Variants in XPO4 observed in about 807,000 individuals in gnomAD.
The protein encoded by XPO4 is exportin 4.
In XPO4, 39 loss-of-function variants were observed where a neutral mutation model predicts 143.0. That is an observed-to-expected ratio of 0.27 (90% CI 0.21 to 0.36). The LOEUF (loss-of-function observed/expected upper bound fraction) is 0.36. Among genes scored for constraint, XPO4 ranks in the 10% least tolerant of loss-of-function variants. XPO4 has a pLI of 1.00. For missense variants in XPO4, 907 were observed against 1,348.0 expected (o/e 0.67, Z 5.12); for synonymous variants, 439 against 474.0 (o/e 0.93, Z 0.96).
chr13:20,844,094 T>C (rs1345343583), intron 4 of XPO4, among the ~76,000 whole-genome samples: 2 of 152,248 alleles, frequency 1.3e-5, no homozygotes, highest in African/African-American at 2.4e-5. Flanking sequence ...GTGTTAATAG[T>C]ACTTCCTCAA....
intron 19 of XPO4, among the ~76,000 whole-genome samples, chr13:20,789,576 G>A (rs1354806568): frequency 1.3e-5 from 2 of 150,582 alleles, no homozygotes; most frequent in Admixed American, 6.6e-5. Flanking sequence ...TTGTGTGTGT[G>A]TGTGTGTATT....
intron 17 of XPO4, 122 bp from the exon 18 acceptor site, chr13:20,796,378 CTACATTAAAACAATAA>C: frequency 2.7e-6 from 2 of 735,434 alleles, no homozygotes; most frequent in Non-Finnish European, 3.9e-6. Context: ...TTGCTTTAAA[CTACATTAAAACAATAA>C]TTTCTAGAAA....
At chr13:20,811,573 C>G (rs1041334013) in intron 9 of XPO4, among the ~76,000 whole-genome samples, 1 of 152,078 alleles carries the variant, frequency 6.6e-6, no homozygotes, top group South Asian at 2.1e-4. Context: ...CAGGTGTAAC[C>G]CACTGCACCT....
intron 3 of XPO4, among the ~76,000 whole-genome samples, chr13:20,858,555 T>TA (rs374985932): frequency 2.0e-5 from 3 of 151,572 alleles, no homozygotes; most frequent in East Asian, 1.9e-4. Flanking sequence ...CTCTCTCTCT[T>TA]AAAAAAAATG....
chr13:20,793,420 C>T (rs1306148255), intron 18 of XPO4, among the ~76,000 whole-genome samples: 1 of 152,170 alleles, frequency 6.6e-6, no homozygotes, highest in Admixed American at 6.5e-5. Flanking sequence ...AAAATCTCTC[C>T]TTCAAATGCT....
chr13:20,851,089 T>C (rs2060080270), intron 4 of XPO4: 1 of 985,366 alleles, frequency 1.0e-6, no homozygotes. Context: ...TTGTTCACTG[T>C]CATTTATATC....
intron 6 of XPO4, among the ~76,000 whole-genome samples, chr13:20,832,733 A>T (rs1365163346): frequency 6.6e-6 from 1 of 152,222 alleles, no homozygotes; most frequent in Non-Finnish European, 1.5e-5. Flanking sequence ...CCAGTCTTAT[A>T]GACAACACAG....
At chr13:20,819,674 C>T (rs1439526422) in intron 9 of XPO4, among the ~76,000 whole-genome samples, 1 of 151,948 alleles carries the variant, frequency 6.6e-6, no homozygotes, top group Admixed American at 6.6e-5. Context: ...AAAAAAAGAT[C>T]ATGTCTTTAT....
rs548525062 is a variant in XPO4, at chr13:20,902,499, G to A, written c.69+171C>T. ...TCCTGGAAGGAGGGGACGACGGCAG[G>A]AGGAAAGTAGGCTGAAGAATCCTGC... On this transcript the variant is annotated intron_variant, in intron 1 of 22. Coordinates refer to ENST00000255305, the MANE Select transcript of XPO4 (RefSeq NM_022459.5). 20 of 985,430 alleles carry A rather than the reference G, an allele frequency of 2.0e-5. No homozygotes were observed. The African/African-American group carries it at 3.0e-4, about 15-fold the overall frequency. The allele number at this position is 985,430 out of a possible 1,614,324, so 61.0% of individuals were successfully genotyped here.
chr13:20,788,320 G>C (rs980675858), intron 20 of XPO4, among the ~76,000 whole-genome samples, 166 bp downstream of exon 20: 6 of 152,182 alleles, frequency 3.9e-5, no homozygotes, highest in Non-Finnish European at 7.3e-5. Flanking sequence ...GCCTCCCAAA[G>C]TGCTGGAATT....
intron 1 of XPO4, among the ~76,000 whole-genome samples, chr13:20,894,497 T>A (rs1387647886): frequency 6.6e-6 from 1 of 152,138 alleles, no homozygotes; most frequent in Non-Finnish European, 1.5e-5. Flanking sequence ...TGAACATTCT[T>A]CAACATAAAA....
chr13:20,836,338 A>G (rs2059916545), intron 6 of XPO4, among the ~76,000 whole-genome samples: 1 of 152,218 alleles, frequency 6.6e-6, no homozygotes, highest in Non-Finnish European at 1.5e-5. Flanking sequence ...TCGGTAACAG[A>G]CGATGTTGAC....
chr13:20,855,461 G>GA (rs66665772), intron 4 of XPO4, among the ~76,000 whole-genome samples, 166 bp downstream of exon 4: 38,962 of 122,380 alleles, frequency 0.32, 6,786 homozygotes, highest in East Asian at 0.8. Context: ...TGTCACAAGG[G>GA]AAAAAAAAAA....
intron 16 of XPO4, among the ~76,000 whole-genome samples, chr13:20,798,337 G>A (rs1714421435): frequency 6.6e-6 from 1 of 152,126 alleles, no homozygotes; most frequent in South Asian, 2.1e-4. Flanking sequence ...GCCAAAGACT[G>A]CCAGCAAGCT....
rs185908224 is a variant in XPO4 at position 20,868,180 on chromosome 13, A to C, written c.175+416T>G. On this transcript the variant is annotated intron_variant, in intron 2 of 22. Coordinates refer to ENST00000255305, the MANE Select transcript of XPO4 (RefSeq NM_022459.5). ...CAAACTAAATGGTTAAAAAAAAAAA[A>C]AACTATGGAAAACAACTAAAAGAAA... Among the ~76,000 whole-genome samples the C allele has an allele frequency of 4.0e-5, 6 of 151,890 alleles. No individual in the cohort carries two copies. In the South Asian group the frequency reaches 1.0e-3, roughly 26 times the overall value.
intron 9 of XPO4, among the ~76,000 whole-genome samples, chr13:20,819,586 T>C (rs541614599): frequency 3.9e-5 from 6 of 151,996 alleles, no homozygotes; most frequent in Admixed American, 1.3e-4. Flanking sequence ...CTTGAACCTG[T>C]GAGGCAGAGG....
intron 1 of XPO4, among the ~76,000 whole-genome samples, chr13:20,891,041 C>T (rs1049080914): frequency 6.8e-6 from 1 of 146,694 alleles, no homozygotes; most frequent in African/African-American, 2.5e-5. Flanking sequence ...TGCTTGAATC[C>T]GAGAGGTGGA....
intron 21 of XPO4, 101 bp downstream of exon 21, chr13:20,787,380 C>G: frequency 8.6e-7 from 1 of 1,160,756 alleles, no homozygotes; most frequent in South Asian, 1.3e-5. Context: ...TCCTTGCCCC[C>G]GAAAGAATGG....
chr13:20,794,969 C>T (rs2059336650), intron 18 of XPO4, among the ~76,000 whole-genome samples: 1 of 148,814 alleles, frequency 6.7e-6, no homozygotes. Flanking sequence ...TGGTACCTAG[C>T]TCAGGGCAGA....
Sources: gnomAD v4.1 joint callset for allele counts (sites outside exome capture counted in the v4.1 genomes callset) on GRCh38, gnomAD v4.1.1 for gene constraint, MANE v1.5 for transcripts, NCBI Gene and HGNC (gene_info 2026-07-23, HGNC 2026-07-21) for gene names.